The following MIPEP variants were observed in gnomAD, a reference collection of about 807,000 sequenced individuals.
MIPEP encodes mitochondrial intermediate peptidase.
MIPEP carries 79 observed loss-of-function variants against 90.3 expected under a neutral mutation model. That is an observed-to-expected ratio of 0.87 (90% CI 0.73 to 1.05). MIPEP has a LOEUF of 1.05. Ranked by LOEUF, MIPEP falls within the 50% of genes least tolerant of loss-of-function variation. The probability of loss-of-function intolerance (pLI) is 0.00; values close to 1 mark genes in which losing one functional copy is unlikely to be tolerated. For synonymous variants in MIPEP, 334 were observed against 315.8 expected (o/e 1.06, Z -0.61); for missense variants, 940 against 905.6 (o/e 1.04, Z -0.49).
At chr13:23,778,800 C>G (rs1290406545) in intron 16 of MIPEP, among the ~76,000 whole-genome samples, 2 of 152,112 alleles carry the variant, frequency 1.3e-5, no homozygotes, top group Admixed American at 1.3e-4. Flanking sequence ...TACATTATTT[C>G]AGTCATAGTC....
intron 10 of MIPEP, among the ~76,000 whole-genome samples, chr13:23,846,127 C>T (rs980896651): frequency 6.6e-6 from 1 of 152,018 alleles, no homozygotes; most frequent in Non-Finnish European, 1.5e-5. Context: ...TTTACTGATT[C>T]CCCTCCTCCT....
intron 18 of MIPEP, among the ~76,000 whole-genome samples, chr13:23,739,522 C>A (rs572318242): frequency 5.9e-5 from 9 of 152,326 alleles, no homozygotes; most frequent in South Asian, 2.1e-4. Flanking sequence ...CTCAGTCAGG[C>A]AGGAGCCCAG....
chr13:23,761,429 C>T (rs1565984657), intron 16 of MIPEP, among the ~76,000 whole-genome samples: 1 of 152,116 alleles, frequency 6.6e-6, no homozygotes, highest in Non-Finnish European at 1.5e-5. Flanking sequence ...GCCTGGTCAT[C>T]AACATTGGAG....
At chr13:23,847,302 A>G (rs1296748216) in intron 10 of MIPEP, among the ~76,000 whole-genome samples, 1 of 152,192 alleles carries the variant, frequency 6.6e-6, no homozygotes, top group East Asian at 1.9e-4. Flanking sequence ...GTGAACAAAG[A>G]TTGAGAACGA....
At chr13:23,836,381 A>G in intron 13 of MIPEP, 32 bp from the exon 14 acceptor site, 2 of 1,304,070 alleles carry the variant, frequency 1.5e-6, no homozygotes, top group Non-Finnish European at 2.1e-6. Flanking sequence ...AGTTGGCATG[A>G]ATCAAATCAA....
chr13:23,855,681 C>G (rs1320470467), intron 10 of MIPEP, among the ~76,000 whole-genome samples: 2 of 152,218 alleles, frequency 1.3e-5, no homozygotes, highest in Non-Finnish European at 2.9e-5. Flanking sequence ...CAAACCAAAA[C>G]TCAGTAGCCT....
intron 16 of MIPEP, among the ~76,000 whole-genome samples, chr13:23,796,593 A>AC (rs1430929483): frequency 6.6e-6 from 1 of 151,892 alleles, no homozygotes; most frequent in African/African-American, 2.4e-5. Flanking sequence ...AAAAAAAAAA[A>AC]ACAAAAAAAC....
intron 18 of MIPEP, among the ~76,000 whole-genome samples, chr13:23,739,786 T>A (rs535092369): frequency 6.6e-6 from 1 of 151,598 alleles, no homozygotes; most frequent in South Asian, 2.1e-4. Context: ...ACTGAACGTC[T>A]GCTCATGCAT....
At chr13:23,749,744 C>T (rs1952420523) in intron 18 of MIPEP, among the ~76,000 whole-genome samples, 1 of 152,148 alleles carries the variant, frequency 6.6e-6, no homozygotes, top group Non-Finnish European at 1.5e-5. Context: ...TGGGAGTCAT[C>T]CTTGATATCA....
intron 14 of MIPEP, among the ~76,000 whole-genome samples, chr13:23,821,818 T>C (rs945817606): frequency 6.6e-6 from 1 of 152,222 alleles, no homozygotes; most frequent in Admixed American, 6.5e-5. Flanking sequence ...AGTAGCTATG[T>C]AAATAGTTGT....
At chr13:23,775,721 C>T (rs1381775494) in intron 16 of MIPEP, among the ~76,000 whole-genome samples, 1 of 152,070 alleles carries the variant, frequency 6.6e-6, no homozygotes, top group Non-Finnish European at 1.5e-5. Context: ...AAAACAAAAA[C>T]AAAAACCAAA....
chr13:23,815,072 T>G lies in MIPEP; in HGVS notation c.1654-5148A>C, dbSNP rs190253898. Reference sequence around the variant, plus strand: ...TTTTAAAATGTTAATACATCAGGTTTAACACAGATACTGAATAAATGGTAG... The same window carrying G: ...TTTTAAAATGTTAATACATCAGGTTGAACACAGATACTGAATAAATGGTAG... On this transcript the variant is annotated intron_variant, in intron 14 of 18. Transcript: ENST00000382172. Among the ~76,000 whole-genome samples the G allele has an allele frequency of 2.6e-5, 4 of 152,356 alleles. No individual in the cohort carries two copies. In the East Asian group the frequency reaches 7.7e-4, roughly 29 times the overall value.
At chr13:23,834,235 C>G (rs7318479) in intron 14 of MIPEP, among the ~76,000 whole-genome samples, 150,894 of 152,286 alleles carry the variant, frequency 0.99, 74,789 homozygotes, top group East Asian at 1. Flanking sequence ...CTGACACCAG[C>G]GTGATTTTCT....
chr13:23,773,250 T>G (rs987629015), intron 16 of MIPEP, among the ~76,000 whole-genome samples: 1 of 152,218 alleles, frequency 6.6e-6, no homozygotes, highest in African/African-American at 2.4e-5. Context: ...TGTGTCTAGT[T>G]TGTCGCACCG....
intron 16 of MIPEP, among the ~76,000 whole-genome samples, chr13:23,796,404 G>A (rs144256260): frequency 6.2e-4 from 95 of 152,034 alleles, no homozygotes; most frequent in African/African-American, 2.1e-3. Context: ...GCAACAGAGC[G>A]AGACTCCATC....
chr13:23,747,573 G>A (rs746148393), intron 18 of MIPEP: 5 of 510,396 alleles, frequency 9.8e-6, no homozygotes, highest in South Asian at 5.8e-5. Context: ...CTGAGAGACT[G>A]AACAAGTGTG....
rs1048041887 is a variant in MIPEP, at chr13:23,818,049, T to C, written c.1654-8125A>G. Among the ~76,000 whole-genome samples, 3 of 152,084 alleles carry C rather than the reference T, an allele frequency of 2.0e-5. No homozygotes were observed. The East Asian group carries it at 5.8e-4, about 29-fold the overall frequency. ...TGTAACTCCGTGTCATTGTCACAGT[T>C]GGGCCATACACTTAGTTCTGGGTTT... On this transcript the variant is annotated intron_variant, in intron 14 of 18. Coordinates refer to ENST00000382172, the MANE Select transcript of MIPEP (RefSeq NM_005932.4).
At chr13:23,760,249 A>G (rs1248986296) in intron 16 of MIPEP, 32 bp from the exon 17 acceptor site, 2 of 1,613,686 alleles carry the variant, frequency 1.2e-6, no homozygotes, top group South Asian at 2.2e-5. Context: ...AGCACGGGAC[A>G]CAAGTCAGTT....
At chr13:23,886,249 T>C (rs1385273955) in intron 2 of MIPEP, 84 bp downstream of exon 2, 1 of 1,083,400 alleles carries the variant, frequency 9.2e-7, no homozygotes, top group East Asian at 3.1e-5. Context: ...CTAATATTAA[T>C]AGTAAACAAC....
Sources: allele counts gnomAD v4.1 joint callset (sites outside exome capture counted in the v4.1 genomes callset), GRCh38; gene constraint gnomAD v4.1.1; transcripts MANE v1.5; gene names NCBI Gene and HGNC (gene_info 2026-07-23, HGNC 2026-07-21).